The following ZNF804A variants were observed in gnomAD, a reference collection of about 807,000 sequenced individuals.
ZNF804A encodes the protein zinc finger protein 804A.
Under a neutral mutation model 16.5 loss-of-function variants are expected in ZNF804A, and 2 were observed. The observed-to-expected ratio is 0.12, with a 90% confidence interval of 0.05 to 0.38. The LOEUF is 0.38. Among genes scored for constraint, ZNF804A ranks in the 10% least tolerant of loss-of-function variants. The pLI, the probability that ZNF804A is intolerant of heterozygous loss-of-function variation, is 0.99. For missense variants in ZNF804A, 1,473 were observed against 1,390.7 expected, an observed-to-expected ratio of 1.06 and a Z score of -0.94; for synonymous variants, 534 against 489.6, an observed-to-expected ratio of 1.09 and a Z score of -1.20.
rs1412131791 is a variant in ZNF804A, at chr2:184,939,407, A to G, written c.*381A>G. ...TTAATGTTTAGACAAAGCTGATGGCACTATGTTTTGTATCATGTTCCTTGA... is the reference window on the plus strand; with the variant it reads ...TTAATGTTTAGACAAAGCTGATGGCGCTATGTTTTGTATCATGTTCCTTGA... On this transcript the variant is annotated 3_prime_UTR_variant, in exon 4 of 4. Coordinates refer to ENST00000302277, the MANE Select transcript of ZNF804A (RefSeq NM_194250.2). 6.4e-6 allele frequency: 1 copy of G among 157,104 alleles called. No individual in the cohort carries two copies. Among genetic ancestry groups the G allele is most frequent in the Non-Finnish European group, 1.4e-5 (1 of 71,102 alleles). The allele number at this position is 157,104 out of a possible 1,614,324, so 9.7% of individuals were successfully genotyped here.
At chr2:184,758,640 C>G (rs1693995420) in intron 1 of ZNF804A, among the ~76,000 whole-genome samples, 1 of 151,858 alleles carries the variant, frequency 6.6e-6, no homozygotes, top group Non-Finnish European at 1.5e-5. Context: ...AAATTATGCT[C>G]TCATTCACTT....
In ZNF804A at chr2:184,840,465, T is replaced by A. The variant is rs993489306; in HGVS notation, c.112-25904T>A. On this transcript the variant is annotated intron_variant, in intron 1 of 3. Transcript: ENST00000302277. ...TGCAAAAATCAGTTTAAAATCAAACTTTTGTTTCCAGTGTTCAAGAAATAA... is the reference window on the plus strand; with the variant it reads ...TGCAAAAATCAGTTTAAAATCAAACATTTGTTTCCAGTGTTCAAGAAATAA... Among the ~76,000 whole-genome samples, 235 of 152,246 alleles carry A rather than the reference T, an allele frequency of 1.5e-3. 1 individual carries two copies. The highest frequency in any genetic ancestry group is 5.4e-3 in the African/African-American group (225 of 41,554).
At chr2:184,692,968 T>G (rs1692757594) in intron 1 of ZNF804A, among the ~76,000 whole-genome samples, 2 of 152,200 alleles carry the variant, frequency 1.3e-5, no homozygotes, top group African/African-American at 4.8e-5. Flanking sequence ...CACATGGTTT[T>G]GACAGCCATA....
chr2:184,868,495 G>A (rs1272119338), intron 2 of ZNF804A, among the ~76,000 whole-genome samples: 2 of 151,952 alleles, frequency 1.3e-5, no homozygotes, highest in Admixed American at 6.6e-5. Flanking sequence ...TTGAAATTGG[G>A]ATGTGATTAA....
At chr2:184,696,472 T>C (rs1373977007) in intron 1 of ZNF804A, among the ~76,000 whole-genome samples, 3 of 152,164 alleles carry the variant, frequency 2.0e-5, no homozygotes, top group African/African-American at 2.4e-5. Flanking sequence ...ACTGCTTATA[T>C]GGCTTTTTGG....
intron 1 of ZNF804A, among the ~76,000 whole-genome samples, chr2:184,711,553 T>C (rs1693126188): frequency 6.6e-6 from 1 of 151,806 alleles, no homozygotes; most frequent in Admixed American, 6.6e-5. Context: ...GCTTGCACTT[T>C]TTATGCATAT....
intron 1 of ZNF804A, among the ~76,000 whole-genome samples, chr2:184,700,464 C>A (rs561495909): frequency 2.0e-5 from 3 of 151,986 alleles, no homozygotes; most frequent in Non-Finnish European, 4.4e-5. Context: ...ATATGAAGTC[C>A]ATTTCAAAGT....
chr2:184,771,304 A>C (rs763968297), intron 1 of ZNF804A, among the ~76,000 whole-genome samples: 2 of 152,066 alleles, frequency 1.3e-5, no homozygotes, highest in Non-Finnish European at 1.5e-5. Context: ...GCTGCATAAC[A>C]AGTCACCACA....
At chr2:184,616,718 G>GA (rs1197810018) in intron 1 of ZNF804A, among the ~76,000 whole-genome samples, 4 of 152,088 alleles carry the variant, frequency 2.6e-5, no homozygotes, top group African/African-American at 9.7e-5. Context: ...TTCTATGCAG[G>GA]AAAATAAAGT....
At chr2:184,799,472 G>T (rs1694689766) in intron 1 of ZNF804A, among the ~76,000 whole-genome samples, 1 of 151,952 alleles carries the variant, frequency 6.6e-6, no homozygotes, top group Non-Finnish European at 1.5e-5. Context: ...TTGTAATCTG[G>T]ATTTGGCATT....
At chr2:184,712,927 T>C (rs1206120583) in intron 1 of ZNF804A, among the ~76,000 whole-genome samples, 1 of 151,824 alleles carries the variant, frequency 6.6e-6, no homozygotes, top group African/African-American at 2.4e-5. Flanking sequence ...TCTTATCTTA[T>C]ACAGTTGTCC....
intron 1 of ZNF804A, among the ~76,000 whole-genome samples, chr2:184,781,023 G>A (rs1242372987): frequency 1.3e-5 from 2 of 151,674 alleles, no homozygotes; most frequent in African/African-American, 2.4e-5. Flanking sequence ...GATGTTTTCC[G>A]AGTCCTTGTG....
At chr2:184,689,313 T>A (rs1042415646) in intron 1 of ZNF804A, among the ~76,000 whole-genome samples, 15 of 152,132 alleles carry the variant, frequency 9.9e-5, no homozygotes, top group African/African-American at 3.1e-4. Flanking sequence ...CAAGTAACAC[T>A]GATGAAAAAT....
chr2:184,727,666 C>T lies in ZNF804A; in HGVS notation c.111+128596C>T, dbSNP rs1693435905. Reference sequence around the variant, plus strand: ...ACATAACTAGAAATAATTTTATATACCAGGAAGTTAATAATTTTCACAGCA... The same window carrying T: ...ACATAACTAGAAATAATTTTATATATCAGGAAGTTAATAATTTTCACAGCA... On this transcript the variant is annotated intron_variant, in intron 1 of 3. Coordinates refer to ENST00000302277, the MANE Select transcript of ZNF804A (RefSeq NM_194250.2). Among the ~76,000 whole-genome samples, 3 of 151,368 alleles carry T rather than the reference C, an allele frequency of 2.0e-5. No homozygotes were observed. The South Asian group carries it at 6.2e-4, about 32-fold the overall frequency.
chr2:184,692,047 A>G (rs1692739064), intron 1 of ZNF804A, among the ~76,000 whole-genome samples: 1 of 152,196 alleles, frequency 6.6e-6, no homozygotes, highest in African/African-American at 2.4e-5. Context: ...AAAGCTTGAT[A>G]TGTTTTAAGG....
intron 1 of ZNF804A, among the ~76,000 whole-genome samples, chr2:184,640,112 T>C (rs965007618): frequency 1.3e-5 from 2 of 152,024 alleles, no homozygotes; most frequent in Admixed American, 6.6e-5. Flanking sequence ...GGAACTCATA[T>C]ATGTGTAAAA....
chr2:184,821,224 C>A (rs1183411348), intron 1 of ZNF804A, among the ~76,000 whole-genome samples: 2 of 152,000 alleles, frequency 1.3e-5, no homozygotes, highest in African/African-American at 2.4e-5. Context: ...ACACATAGAC[C>A]AATGGAACAA....
intron 1 of ZNF804A, among the ~76,000 whole-genome samples, chr2:184,696,600 T>C (rs941970890): frequency 5.9e-5 from 9 of 152,132 alleles, no homozygotes; most frequent in Non-Finnish European, 1.3e-4. Context: ...CAGTTCTCAC[T>C]GAAATATTTT....
intron 1 of ZNF804A, among the ~76,000 whole-genome samples, chr2:184,847,833 G>A (rs1450109654): frequency 6.6e-6 from 1 of 151,966 alleles, no homozygotes; most frequent in East Asian, 1.9e-4. Flanking sequence ...AAATGACTCA[G>A]AGAACTCAGG....
Sources: allele counts gnomAD v4.1 joint callset (sites outside exome capture counted in the v4.1 genomes callset), GRCh38; gene constraint gnomAD v4.1.1; transcripts MANE v1.5; gene names NCBI Gene and HGNC (gene_info 2026-07-23, HGNC 2026-07-21).